Variants in COL5A1 observed in about 807,000 individuals in gnomAD.
COL5A1 encodes the protein collagen alpha-1(V) chain.
A neutral mutation model predicts 263.7 loss-of-function variants in COL5A1; 16 were observed. The ratio of observed to expected loss-of-function variants is 0.06; its 90% confidence interval spans 0.04 to 0.09. The LOEUF (loss-of-function observed/expected upper bound fraction) is 0.09, where lower values mean the gene tolerates loss of function less well. Ranked by LOEUF, COL5A1 falls within the 10% of genes least tolerant of loss-of-function variation. The pLI is 1.00. For missense variants in COL5A1, 2,036 were observed against 2,540.5 expected (o/e 0.80, Z 4.27); for synonymous variants, 1,012 against 1,004.5 (o/e 1.01, Z -0.14).
chr9:134,788,996 G>A (rs2132784053), intron 31 of COL5A1, among the ~76,000 whole-genome samples, 159 bp from the exon 32 acceptor site: 1 of 139,092 alleles, frequency 7.2e-6, no homozygotes, highest in South Asian at 2.6e-4. Context: ...GGATAGGTGA[G>A]AAGGTAGGTA....
rs749697867 is a variant in COL5A1 at position 134,690,989 on chromosome 9, G to C, written c.187G>C (p.Ala63Pro). ...AATAACAAAGACAACAGGCTTTTGC[G>C]CCACGCGGCGATCTTCCAAAGGCCC... ...DGITKTTGFC[A>P]TRRSSKGPDV... The change falls in exon 2 of 66, where the codon GCC (alanine) becomes CCC (proline). Residue 63 changes from alanine to proline, a missense_variant. By Grantham distance (27) the Ala-to-Pro change is conservative (BLOSUM62 -1). Transcript: ENST00000371817. 1 of 1,613,724 alleles carries C rather than the reference G, an allele frequency of 6.2e-7. No homozygotes were observed. The highest frequency in any genetic ancestry group is 1.3e-5 in the African/African-American group (1 of 74,946).
At chr9:134,816,587 G>A (rs944067172) in intron 52 of COL5A1, among the ~76,000 whole-genome samples, 3 of 152,236 alleles carry the variant, frequency 2.0e-5, no homozygotes, top group African/African-American at 7.2e-5. Flanking sequence ...GAGTTGAGAG[G>A]AGCGTCCACT....
chr9:134,829,855 C>A (rs531542348), intron 63 of COL5A1, 121 bp from the exon 64 acceptor site: 69 of 1,037,770 alleles, frequency 6.6e-5, no homozygotes, highest in African/African-American at 5.0e-4. Context: ...TCCCTGCAGC[C>A]CCCCCGGCGT....
At chr9:134,693,495 C>T (rs911082238) in intron 2 of COL5A1, among the ~76,000 whole-genome samples, 1 of 152,030 alleles carries the variant, frequency 6.6e-6, no homozygotes, top group Non-Finnish European at 1.5e-5. Context: ...TCCACATAAG[C>T]CAATTGCCCC....
intron 63 of COL5A1, among the ~76,000 whole-genome samples, chr9:134,826,968 C>T (rs1214110680): frequency 6.6e-6 from 1 of 152,152 alleles, no homozygotes; most frequent in Non-Finnish European, 1.5e-5. Flanking sequence ...TTGGCCCAGG[C>T]GAGGACTGAG....
At chr9:134,836,580 T>G (rs933091083) in intron 65 of COL5A1, among the ~76,000 whole-genome samples, 2 of 152,164 alleles carry the variant, frequency 1.3e-5, no homozygotes, top group African/African-American at 4.8e-5. Context: ...GTCCTCAGTG[T>G]GAGGCCTGGG....
chr9:134,721,347 A>G (rs1316918145), intron 4 of COL5A1, among the ~76,000 whole-genome samples: 1 of 146,302 alleles, frequency 6.8e-6, no homozygotes, highest in Non-Finnish European at 1.5e-5. Context: ...CATAGTACCC[A>G]TACAGGGCTG....
At position 134,768,842 on chromosome 9, in the gene COL5A1, T is replaced by C. The variant is rs187097272; in HGVS notation, c.2286+379T>C. On this transcript the variant is annotated intron_variant, in intron 25 of 65. Coordinates refer to ENST00000371817, the MANE Select transcript of COL5A1 (RefSeq NM_000093.5). ...CAGGGTACGTGGTGTGTATTTTTAGTGTTCACACACTGAGAAGGGAGGTGG... is the reference window on the plus strand; with the variant it reads ...CAGGGTACGTGGTGTGTATTTTTAGCGTTCACACACTGAGAAGGGAGGTGG... 4.3e-3 allele frequency among the ~76,000 whole-genome samples: 653 copies of C among 152,288 alleles called. 4 individuals carry two copies. The highest frequency in any genetic ancestry group is 0.017 in the Middle Eastern group (5 of 294).
chr9:134,817,861 G>T (rs769014842), intron 54 of COL5A1, 30 bp downstream of exon 54: 1 of 1,576,022 alleles, frequency 6.3e-7, no homozygotes, highest in African/African-American at 1.3e-5. Flanking sequence ...GGCTGTGACC[G>T]CGTAGACCTC....
chr9:134,782,042 G>A (rs948972671), intron 28 of COL5A1, among the ~76,000 whole-genome samples: 10 of 152,212 alleles, frequency 6.6e-5, no homozygotes, highest in Admixed American at 3.3e-4. Flanking sequence ...TTTGCCCTGC[G>A]GTTTCCGGGA....
At chr9:134,763,555 C>T (rs1836547093) in intron 19 of COL5A1, 138 bp from the exon 20 acceptor site, 2 of 876,808 alleles carry the variant, frequency 2.3e-6, no homozygotes, top group South Asian at 2.7e-5. Flanking sequence ...CCAGGCCTTT[C>T]CGGCTGGTAC....
At chr9:134,840,678 C>T (rs1325867975) in intron 65 of COL5A1, among the ~76,000 whole-genome samples, 1 of 152,170 alleles carries the variant, frequency 6.6e-6, no homozygotes, top group African/African-American at 2.4e-5. Flanking sequence ...AAATTTGTCG[C>T]CCACAGTTCT....
At position 134,696,223 on chromosome 9, in the gene COL5A1, G is replaced by A. The variant is rs911643424; in HGVS notation, c.278-3686G>A. ...GAGTCTCACTCTGTCGCCCAGGCTGGAGTGCAGTGGTGTAATCTTGGCTCA... is the reference window on the plus strand; with the variant it reads ...GAGTCTCACTCTGTCGCCCAGGCTGAAGTGCAGTGGTGTAATCTTGGCTCA... On this transcript the variant is annotated intron_variant, in intron 2 of 65. Transcript: ENST00000371817. The surrounding 1 kb of genome is among the most constrained non-coding windows in gnomAD (Gnocchi z 4.3). Among the ~76,000 whole-genome samples the A allele has an allele frequency of 1.3e-5, 2 of 152,104 alleles. No homozygotes were observed. Among genetic ancestry groups the A allele is most frequent in the African/African-American group, 4.8e-5 (2 of 41,404 alleles).
In COL5A1 at chr9:134,809,152, C is replaced by T. The variant is rs150362894; in HGVS notation, c.3367-31C>T. On this transcript the variant is annotated intron_variant, in intron 42 of 65. Transcript: ENST00000371817. ...GGGGGATGTTCCCAGGTTGGAGCCA[C>T]GTTTGACCTGAGATCTTCTGTATTC... The T allele has an allele frequency of 4.5e-3, 6,894 of 1,532,916 alleles. 18 individuals are homozygous for T. Among genetic ancestry groups the T allele is most frequent in the Middle Eastern group, 5.4e-3 (32 of 5,964 alleles). The allele number at this position is 1,532,916 out of a possible 1,614,324, so 95.0% of individuals were successfully genotyped here. A position where few individuals can be genotyped will look rare whatever the true frequency, so the allele number is the denominator to read the frequency against.
At position 134,716,030 on chromosome 9, in the gene COL5A1, C is replaced by T. The variant is rs1406784337; in HGVS notation, c.655-11236C>T. Among the ~76,000 whole-genome samples the T allele has an allele frequency of 1.3e-5, 2 of 151,266 alleles. No individual in the cohort carries two copies. The highest frequency in any genetic ancestry group is 1.3e-4 in the Admixed American group (2 of 15,196). ...TGATGATGTTAGTAGTGTGTTGGTT[C>T]TATGGTTTTGGTGCTGGTAGCACTG... On this transcript the variant is annotated intron_variant, in intron 4 of 65. Coordinates refer to ENST00000371817, the MANE Select transcript of COL5A1 (RefSeq NM_000093.5). This position sits in a 1 kb window ranked among gnomAD's most constrained non-coding sequence, Gnocchi z 4.5.
At chr9:134,649,207 G>T (rs2132468746) in intron 1 of COL5A1, among the ~76,000 whole-genome samples, 1 of 152,272 alleles carries the variant, frequency 6.6e-6, no homozygotes, top group African/African-American at 2.4e-5. Context: ...CTCAGTGGAG[G>T]GGTGCGGGTC....
At chr9:134,717,448 C>T (rs1234580267) in intron 4 of COL5A1, among the ~76,000 whole-genome samples, 1 of 152,224 alleles carries the variant, frequency 6.6e-6, no homozygotes, top group East Asian at 1.9e-4. Flanking sequence ...GGTTTGCGAA[C>T]ACACCTGAGA....
intron 1 of COL5A1, among the ~76,000 whole-genome samples, chr9:134,687,415 TCATCCATCCATC>T (rs5901049): frequency 1.4e-4 from 20 of 147,828 alleles, no homozygotes; most frequent in Admixed American, 2.7e-4. Context: ...CTCTGGGACT[TCATCCATCCATC>T]CATCCATCCA....
chr9:134,808,980 G>T (rs1156308316), intron 42 of COL5A1: 3 of 620,682 alleles, frequency 4.8e-6, no homozygotes, highest in Non-Finnish European at 8.7e-6. Flanking sequence ...TAATTGAAGC[G>T]ATGCACCAGA....
Sources: allele counts gnomAD v4.1 joint callset (sites outside exome capture counted in the v4.1 genomes callset), GRCh38; gene constraint gnomAD v4.1.1; non-coding constraint Gnocchi (gnomAD v3.1); transcripts MANE v1.5; gene names NCBI Gene and HGNC (gene_info 2026-07-23, HGNC 2026-07-21).